The following SUSD6 variants were observed in gnomAD, a reference collection of about 807,000 sequenced individuals.
SUSD6 encodes sushi domain containing 6.
In SUSD6, 16 loss-of-function variants were observed where a neutral mutation model predicts 28.4. The ratio of observed to expected loss-of-function variants is 0.56; its 90% CI spans 0.38 to 0.86. The LOEUF is 0.86. Among genes scored for constraint, SUSD6 ranks in the 40% least tolerant of loss-of-function variants. The pLI is 0.00. For synonymous variants in SUSD6, 147 were observed against 159.6 expected, an observed-to-expected ratio of 0.92 and a Z score of 0.59; for missense variants, 341 against 384.2, an observed-to-expected ratio of 0.89 and a Z score of 0.94.
intron 1 of SUSD6, among the ~76,000 whole-genome samples, chr14:69,643,912 A>T (rs528928422): frequency 7.8e-4 from 119 of 152,020 alleles, no homozygotes; most frequent in African/African-American, 2.7e-3. Flanking sequence ...CTTTTGTGTG[A>T]CTCCAGAGAC....
chr14:69,685,851 C>T (rs954638182), intron 2 of SUSD6, among the ~76,000 whole-genome samples: 3 of 152,176 alleles, frequency 2.0e-5, no homozygotes, highest in African/African-American at 7.2e-5. Flanking sequence ...TAAATTGACA[C>T]CCCGATTGCC....
At chr14:69,705,424 C>T (rs1292178720) in intron 4 of SUSD6, among the ~76,000 whole-genome samples, 1 of 152,064 alleles carries the variant, frequency 6.6e-6, no homozygotes, top group Non-Finnish European at 1.5e-5. Context: ...GCGTCAGGAT[C>T]ATGGAACTTG....
At chr14:69,695,494 G>A (rs1202397305) in intron 2 of SUSD6, among the ~76,000 whole-genome samples, 2 of 152,186 alleles carry the variant, frequency 1.3e-5, no homozygotes, top group Non-Finnish European at 2.9e-5. Context: ...GAGGTGATCT[G>A]GTTCATTGCC....
chr14:69,666,412 A>G (rs373284858), intron 2 of SUSD6, among the ~76,000 whole-genome samples: 148 of 152,336 alleles, frequency 9.7e-4, no homozygotes, highest in African/African-American at 3.3e-3. Context: ...GAAACTTTAC[A>G]TATTAAATAT....
chr14:69,687,734 G>T (rs1886094257), intron 2 of SUSD6, among the ~76,000 whole-genome samples: 1 of 152,182 alleles, frequency 6.6e-6, no homozygotes, highest in Admixed American at 6.5e-5. Context: ...ATGCCTGGCT[G>T]GCCACGACAT....
chr14:69,632,650 A>G (rs1406597470), intron 1 of SUSD6, among the ~76,000 whole-genome samples: 2 of 131,566 alleles, frequency 1.5e-5, no homozygotes, highest in African/African-American at 6.0e-5. Context: ...CACAACTAGC[A>G]TTAAAAAAAA....
chr14:69,703,665 C>A, intron 3 of SUSD6, 73 bp downstream of exon 3: 2 of 1,403,656 alleles, frequency 1.4e-6, no homozygotes, highest in Non-Finnish European at 2.0e-6. Context: ...GCAAAGCATG[C>A]TTCCTCCAGA....
At chr14:69,698,790 G>A (rs1019850753) in intron 2 of SUSD6, among the ~76,000 whole-genome samples, 1 of 152,330 alleles carries the variant, frequency 6.6e-6, no homozygotes, top group East Asian at 1.9e-4. Flanking sequence ...CACTCCCTGT[G>A]CTCACTGAAA....
In SUSD6 at chr14:69,708,869, G is replaced by T. The variant is rs372271396; in HGVS notation, c.651G>T (p.Leu217=). 67 of 1,614,038 alleles carry T rather than the reference G, an allele frequency of 4.2e-5. No homozygotes were observed. Among genetic ancestry groups the T allele is most frequent in the Non-Finnish European group, 5.3e-5 (63 of 1,180,014 alleles). The part of the protein sequence containing the change: ...SGRSVPREQQ[L]PDQGACSSAG... ...GGAGCGTGCCAAGGGAGCAACAGCT[G>T]CCGGACCAAGGGGCCTGCTCCTCTG... is the stretch of plus-strand genomic sequence containing the variant. Residue 217 remains leucine, a synonymous_variant, in exon 5 of 6, where the codon CTG becomes CTT. Transcript: ENST00000342745.
chr14:69,670,948 C>G (rs576205523), intron 2 of SUSD6, among the ~76,000 whole-genome samples: 1 of 152,366 alleles, frequency 6.6e-6, no homozygotes, highest in Admixed American at 6.5e-5. Context: ...AAGAAGTGTT[C>G]TCTTTCACTC....
intron 1 of SUSD6, among the ~76,000 whole-genome samples, chr14:69,634,749 A>C (rs1422942155): frequency 6.6e-6 from 1 of 152,242 alleles, no homozygotes; most frequent in East Asian, 1.9e-4. Flanking sequence ...CACAAACTTT[A>C]TCCAAAACAT....
At chr14:69,688,377 T>A (rs1397158889) in intron 2 of SUSD6, among the ~76,000 whole-genome samples, 1 of 152,206 alleles carries the variant, frequency 6.6e-6, no homozygotes, top group Non-Finnish European at 1.5e-5. Flanking sequence ...AGCCTGGACG[T>A]GAGAGCTCAT....
chr14:69,687,121 C>T (rs538777997), intron 2 of SUSD6, among the ~76,000 whole-genome samples: 3 of 152,090 alleles, frequency 2.0e-5, no homozygotes, highest in Admixed American at 1.3e-4. Flanking sequence ...ATTACAGGCA[C>T]CCGCCACCAC....
chr14:69,675,750 G>T (rs1477852230), intron 2 of SUSD6, among the ~76,000 whole-genome samples: 2 of 152,072 alleles, frequency 1.3e-5, no homozygotes, highest in Non-Finnish European at 2.9e-5. Flanking sequence ...TTCAACCTAG[G>T]CCTTCCCATT....
At chr14:69,685,383 ACT>A (rs1303705489) in intron 2 of SUSD6, among the ~76,000 whole-genome samples, 2 of 151,972 alleles carry the variant, frequency 1.3e-5, no homozygotes, top group Non-Finnish European at 2.9e-5. Context: ...ATCTGCAAAG[ACT>A]CTTCAGGGCC....
chr14:69,704,779 G>A, intron 4 of SUSD6, 37 bp downstream of exon 4: 1 of 1,606,222 alleles, frequency 6.2e-7, no homozygotes, highest in South Asian at 1.1e-5. Context: ...AGACAGGCAG[G>A]TGCAAGCATT....
chr14:69,680,201 T>C (rs1885977828), intron 2 of SUSD6, among the ~76,000 whole-genome samples: 3 of 152,162 alleles, frequency 2.0e-5, no homozygotes, highest in African/African-American at 7.2e-5. Context: ...GCAAAATCCC[T>C]CTCTGCAGCC....
chr14:69,666,474 A>G (rs1885743318), intron 2 of SUSD6, among the ~76,000 whole-genome samples: 1 of 152,252 alleles, frequency 6.6e-6, no homozygotes, highest in Non-Finnish European at 1.5e-5. Context: ...TCGTCAGCAC[A>G]GTGATGTGAT....
intron 2 of SUSD6, among the ~76,000 whole-genome samples, chr14:69,693,902 A>G (rs1204860535): frequency 6.6e-6 from 1 of 152,234 alleles, no homozygotes; most frequent in Admixed American, 6.5e-5. Flanking sequence ...TTTGGAGAAT[A>G]CAAATTGTAC....
Sources: allele counts gnomAD v4.1 joint callset (sites outside exome capture counted in the v4.1 genomes callset), GRCh38; gene constraint gnomAD v4.1.1; transcripts MANE v1.5; gene names NCBI Gene and HGNC (gene_info 2026-07-23, HGNC 2026-07-21).